Variants in PALLD observed in about 807,000 individuals in gnomAD.
The protein encoded by PALLD is palladin, cytoskeletal associated protein, also known as palladin.
A neutral mutation model predicts 123.5 loss-of-function variants in PALLD; 61 were observed. The ratio of observed to expected loss-of-function variants is 0.49; its 90% confidence interval spans 0.40 to 0.61. The LOEUF (loss-of-function observed/expected upper bound fraction) is 0.61, where lower values mean the gene tolerates loss of function less well. Ranked by LOEUF, PALLD falls within the 20% of genes least tolerant of loss-of-function variation. The probability of loss-of-function intolerance (pLI) is 0.00; values close to 1 mark genes in which losing one functional copy is unlikely to be tolerated. For missense variants in PALLD, 1,273 were observed against 1,377.0 expected (o/e 0.92, Z 1.20); for synonymous variants, 465 against 496.4 (o/e 0.94, Z 0.84).
intron 10 of PALLD, among the ~76,000 whole-genome samples, chr4:168,849,299 ATGT>A (rs1025691356): frequency 6.6e-6 from 1 of 152,212 alleles, no homozygotes; most frequent in Admixed American, 6.5e-5. Flanking sequence ...ACTCAGGGTT[ATGT>A]TGTTTGGATG....
At chr4:168,792,213 G>A (rs1737624102) in intron 10 of PALLD, among the ~76,000 whole-genome samples, 2 of 152,044 alleles carry the variant, frequency 1.3e-5, no homozygotes, top group Admixed American at 6.5e-5. Flanking sequence ...GGGGGCTTCT[G>A]GAGTCCCCAG....
chr4:168,639,216 C>G (rs894769272), intron 2 of PALLD, among the ~76,000 whole-genome samples: 33 of 152,170 alleles, frequency 2.2e-4, no homozygotes, highest in African/African-American at 7.7e-4. Context: ...GTGAAAACCA[C>G]AGAAGTCATT....
chr4:168,774,085 G>C (rs904103031), intron 10 of PALLD, among the ~76,000 whole-genome samples: 1 of 137,904 alleles, frequency 7.3e-6, no homozygotes, highest in African/African-American at 2.7e-5. Context: ...TTTTTTTTGC[G>C]ATTAAAAAAA....
chr4:168,662,197 G>T (rs963125460), intron 2 of PALLD, among the ~76,000 whole-genome samples: 3 of 152,078 alleles, frequency 2.0e-5, no homozygotes, highest in South Asian at 2.1e-4. Context: ...AGGCTTCCAG[G>T]TATTCAAAAT....
At position 168,511,641 on chromosome 4, in the gene PALLD, C is replaced by A. The variant is rs1380992269; in HGVS notation, c.137C>A (p.Ala46Asp). The A allele has an allele frequency of 6.2e-7, 1 of 1,614,042 alleles. No individual in the cohort carries two copies. Among genetic ancestry groups the A allele is most frequent in the Non-Finnish European group, 8.5e-7 (1 of 1,180,022 alleles). The stretch of plus-strand genomic sequence containing the variant: ...GAGATAAACAAGAGTCTTGACCTGG[C>A]CCGGAGAGCCATAGCCGACTCCGAA... ...QEEINKSLDL[A>D]RRAIADSETE... The change falls in exon 2 of 22, where the codon GCC becomes GAC. Residue 46 changes from alanine (A) to aspartate (D), a missense_variant. By Grantham distance (126) the Ala-to-Asp change is moderately radical. Coordinates refer to ENST00000505667, the MANE Select transcript of PALLD (RefSeq NM_001166108.2).
At chr4:168,804,893 G>A (rs146555180) in intron 10 of PALLD, among the ~76,000 whole-genome samples, 2 of 152,018 alleles carry the variant, frequency 1.3e-5, no homozygotes, top group African/African-American at 4.8e-5. Context: ...GGGTGTGGTG[G>A]CTCACACCTG....
At chr4:168,801,598 A>G (rs1739341271) in intron 10 of PALLD, among the ~76,000 whole-genome samples, 1 of 152,222 alleles carries the variant, frequency 6.6e-6, no homozygotes, top group Admixed American at 6.5e-5. Context: ...TTTTTAAAAG[A>G]CGTGCAGATA....
chr4:168,626,122 C>T (rs113483986), intron 2 of PALLD, among the ~76,000 whole-genome samples: 7,662 of 148,294 alleles, frequency 0.052, 303 homozygotes, highest in Non-Finnish European at 0.075. Context: ...AAAAATTAGC[C>T]GGGCGTAGTG....
chr4:168,499,628 C>T (rs1761185151), intron 1 of PALLD, among the ~76,000 whole-genome samples: 1 of 151,762 alleles, frequency 6.6e-6, no homozygotes, highest in African/African-American at 2.4e-5. Flanking sequence ...ACAAAAGATC[C>T]CCCTGCATGT....
intron 10 of PALLD, among the ~76,000 whole-genome samples, chr4:168,773,791 G>A (rs773966490): frequency 3.3e-5 from 5 of 151,994 alleles, no homozygotes; most frequent in Admixed American, 2.6e-4. Context: ...CACCCACCTC[G>A]CCGCCTGTTC....
chr4:168,610,565 G>A (rs908783510), intron 2 of PALLD, among the ~76,000 whole-genome samples: 18 of 150,748 alleles, frequency 1.2e-4, no homozygotes, highest in Admixed American at 4.6e-4. Context: ...GCCTCACCAC[G>A]TGCTCTTTAG....
chr4:168,596,415 G>T (rs539326959), intron 2 of PALLD, among the ~76,000 whole-genome samples: 2 of 152,236 alleles, frequency 1.3e-5, no homozygotes, highest in Admixed American at 1.3e-4. Flanking sequence ...CAGGTGAGCA[G>T]GTCTGTTGTC....
chr4:168,596,785 A>G (rs1341379823), intron 2 of PALLD, among the ~76,000 whole-genome samples: 2 of 151,684 alleles, frequency 1.3e-5, no homozygotes, highest in African/African-American at 4.8e-5. Context: ...AAAAAAAATT[A>G]TAATTTACCA....
At chr4:168,514,082 G>A (rs556892890) in intron 2 of PALLD, among the ~76,000 whole-genome samples, 1 of 151,884 alleles carries the variant, frequency 6.6e-6, no homozygotes, top group South Asian at 2.1e-4. Flanking sequence ...CTCCACTCCA[G>A]CCTGGGTGAC....
At chr4:168,516,333 C>T (rs1762987497) in intron 2 of PALLD, among the ~76,000 whole-genome samples, 1 of 152,140 alleles carries the variant, frequency 6.6e-6, no homozygotes, top group South Asian at 2.1e-4. Context: ...AAGACCTGTT[C>T]CCTGACATCA....
intron 10 of PALLD, among the ~76,000 whole-genome samples, chr4:168,839,351 G>T (rs1230151661): frequency 2.0e-5 from 3 of 152,176 alleles, no homozygotes; most frequent in African/African-American, 7.2e-5. Context: ...GGGCAGTGAA[G>T]AAGCCTTCTA....
intron 2 of PALLD, among the ~76,000 whole-genome samples, chr4:168,531,600 C>T (rs1307917149): frequency 6.6e-6 from 1 of 152,192 alleles, no homozygotes; most frequent in Non-Finnish European, 1.5e-5. Flanking sequence ...GGAAGTGAAG[C>T]TTATATGGTG....
At chr4:168,856,673 G>C (rs1465226133) in intron 10 of PALLD, among the ~76,000 whole-genome samples, 1 of 152,194 alleles carries the variant, frequency 6.6e-6, no homozygotes, top group African/African-American at 2.4e-5. Flanking sequence ...CCATTTTAAA[G>C]ATGAAGAAGC....
intron 10 of PALLD, among the ~76,000 whole-genome samples, chr4:168,794,433 G>A (rs558738686): frequency 4.5e-4 from 61 of 134,780 alleles, no homozygotes; most frequent in African/African-American, 1.3e-3. Flanking sequence ...GCATGCGCGC[G>A]CACACACATA....
Sources: allele counts gnomAD v4.1 joint callset (sites outside exome capture counted in the v4.1 genomes callset), GRCh38; gene constraint gnomAD v4.1.1; transcripts MANE v1.5; gene names NCBI Gene and HGNC (gene_info 2026-07-23, HGNC 2026-07-21).